The following COMMD8 variants were observed in gnomAD, a reference collection of about 807,000 sequenced individuals.
The protein encoded by COMMD8 is COMM domain containing 8.
In COMMD8, 28 loss-of-function variants were observed where a neutral mutation model predicts 27.2. The ratio of observed to expected loss-of-function variants is 1.03; its 90% CI spans 0.76 to 1.41. The LOEUF is 1.41. Ranked by LOEUF, COMMD8 falls within the 40% of genes most tolerant of loss-of-function variation. The pLI is 0.00. For synonymous variants in COMMD8, 79 were observed against 75.5 expected, an observed-to-expected ratio of 1.05 and a Z score of -0.24; for missense variants, 217 against 211.2, an observed-to-expected ratio of 1.03 and a Z score of -0.17.
intron 4 of COMMD8, 47 bp from the exon 5 acceptor site, chr4:47,451,712 T>C (rs765285076): frequency 7.0e-7 from 1 of 1,427,714 alleles, no homozygotes; most frequent in Admixed American, 2.3e-5. Flanking sequence ...ACAAGACTGA[T>C]GCTGATATAT....
chr4:47,461,234 G>C (rs115259526), intron 1 of COMMD8, among the ~76,000 whole-genome samples: 1 of 152,146 alleles, frequency 6.6e-6, no homozygotes, highest in African/African-American at 2.4e-5. Flanking sequence ...CACAATGCCA[G>C]TACTATTCTA....
intron 1 of COMMD8, 69 bp downstream of exon 1, chr4:47,463,517 G>C: frequency 6.9e-7 from 1 of 1,455,522 alleles, no homozygotes. Context: ...GTCGCACCCG[G>C]CCTGATCCGC....
intron 2 of COMMD8, among the ~76,000 whole-genome samples, chr4:47,458,757 G>A (rs1729951466): frequency 1.3e-5 from 2 of 152,024 alleles, no homozygotes; most frequent in Admixed American, 1.3e-4. Flanking sequence ...CAGATATGAA[G>A]ACATAATTTA....
chr4:47,458,071 A>G (rs1269687247), intron 2 of COMMD8, among the ~76,000 whole-genome samples: 1 of 152,118 alleles, frequency 6.6e-6, no homozygotes, highest in African/African-American at 2.4e-5. Flanking sequence ...AAAATTCAAT[A>G]TCCATTCATG....
chr4:47,456,475 A>C (rs1175369201), intron 3 of COMMD8, 102 bp downstream of exon 3: 1 of 776,324 alleles, frequency 1.3e-6, no homozygotes, highest in Non-Finnish European at 1.9e-6. Context: ...CTTTGGGATA[A>C]TACATTCCCA....
chr4:47,461,557 C>T (rs1384164845), intron 1 of COMMD8, among the ~76,000 whole-genome samples: 2 of 151,774 alleles, frequency 1.3e-5, no homozygotes, highest in Admixed American at 1.3e-4. Flanking sequence ...AAAATAAAAG[C>T]ATTATCTTTT....
At chr4:47,455,042 G>A (rs1207167646) in intron 3 of COMMD8, among the ~76,000 whole-genome samples, 5 of 151,698 alleles carry the variant, frequency 3.3e-5, no homozygotes. Flanking sequence ...ACAGAGTTGT[G>A]CTCTGGTGCC....
chr4:47,456,521 T>A (rs1729894413), intron 3 of COMMD8, 56 bp downstream of exon 3: 5 of 1,251,556 alleles, frequency 4.0e-6, no homozygotes, highest in Non-Finnish European at 4.4e-6. Flanking sequence ...ATTATAAAGA[T>A]ATTTCTCTAT....
intron 4 of COMMD8, 59 bp downstream of exon 4, chr4:47,453,000 C>G: frequency 6.9e-7 from 1 of 1,445,242 alleles, no homozygotes; most frequent in Middle Eastern, 1.8e-4. Context: ...CCAACGCAAA[C>G]AAAAAAAAAC....
chr4:47,451,692 A>G, intron 4 of COMMD8, 27 bp from the exon 5 acceptor site: 1 of 1,554,208 alleles, frequency 6.4e-7, no homozygotes, highest in Non-Finnish European at 8.7e-7. Flanking sequence ...AAGAGAAAAT[A>G]TCAGGTTATA....
At chr4:47,462,111 T>C (rs9995173) in intron 1 of COMMD8, among the ~76,000 whole-genome samples, 8,431 of 152,012 alleles carry the variant, frequency 0.055, 795 homozygotes, top group African/African-American at 0.19. Context: ...GTGTACAAAG[T>C]AAAAGAGCCT....
intron 1 of COMMD8, among the ~76,000 whole-genome samples, chr4:47,460,994 T>G (rs1428094157): frequency 6.6e-6 from 1 of 152,230 alleles, no homozygotes; most frequent in Admixed American, 6.5e-5. Flanking sequence ...TTCAGTATTT[T>G]CAAGTTTTAT....
chr4:47,456,300 ATG>A (rs1553886661), intron 3 of COMMD8, among the ~76,000 whole-genome samples: 2 of 139,590 alleles, frequency 1.4e-5, no homozygotes, highest in South Asian at 4.6e-4. Context: ...ATATATATAT[ATG>A]TATATGTTGA....
chr4:47,460,830 C>T (rs1307120977), intron 1 of COMMD8, among the ~76,000 whole-genome samples: 1 of 152,126 alleles, frequency 6.6e-6, no homozygotes, highest in Non-Finnish European at 1.5e-5. Flanking sequence ...GCTGTATTCC[C>T]AGAAAGTCTC....
intron 1 of COMMD8, among the ~76,000 whole-genome samples, chr4:47,461,612 T>A (rs1730026493): frequency 2.0e-5 from 3 of 152,206 alleles, no homozygotes. Flanking sequence ...AATGAACACT[T>A]CATCCCAGTT....
In COMMD8 at chr4:47,453,043, A is replaced by T. The variant is rs544456501; in HGVS notation, c.531+16T>A. 1 of 1,578,682 alleles carries T rather than the reference A, an allele frequency of 6.3e-7. No individual in the cohort carries two copies. Among genetic ancestry groups the T allele is most frequent in the Admixed American group, 1.9e-5 (1 of 52,756 alleles). On this transcript the variant is annotated intron_variant, in intron 4 of 4. Transcript: ENST00000381571. ...CCTTAAACATTCAAATCATATGACA[A>T]AATTATAGCAAATACCTTATTCGCT...
At chr4:47,452,398 C>A (rs1028058959) in intron 4 of COMMD8, among the ~76,000 whole-genome samples, 1 of 151,928 alleles carries the variant, frequency 6.6e-6, no homozygotes, top group Non-Finnish European at 1.5e-5. Context: ...TTTTTAGGAT[C>A]GTAATTTTTT....
At chr4:47,452,484 C>A (rs977963417) in intron 4 of COMMD8, among the ~76,000 whole-genome samples, 2 of 152,054 alleles carry the variant, frequency 1.3e-5, no homozygotes, top group African/African-American at 4.8e-5. Flanking sequence ...ACGAGCATTG[C>A]AGCAAAAGAA....
chr4:47,463,099 TG>T (rs1355428324), intron 1 of COMMD8, among the ~76,000 whole-genome samples: 2 of 152,162 alleles, frequency 1.3e-5, no homozygotes, highest in Non-Finnish European at 2.9e-5. Flanking sequence ...TGGAAGTCAA[TG>T]GGTACATCAC....
Sources: gnomAD v4.1 joint callset for allele counts (sites outside exome capture counted in the v4.1 genomes callset) on GRCh38, gnomAD v4.1.1 for gene constraint, MANE v1.5 for transcripts, NCBI Gene and HGNC (gene_info 2026-07-23, HGNC 2026-07-21) for gene names.